Variants in TBXAS1 observed in about 807,000 individuals in gnomAD.
The protein encoded by TBXAS1 is thromboxane-A synthase.
TBXAS1 carries 48 observed loss-of-function variants against 60.7 expected under a neutral mutation model. That is an observed-to-expected ratio of 0.79 (90% confidence interval 0.63 to 1.01). TBXAS1 has a LOEUF of 1.01. Among genes scored for constraint, TBXAS1 ranks in the 50% least tolerant of loss-of-function variants. TBXAS1 has a pLI of 0.00. For synonymous variants in TBXAS1, 287 were observed against 269.7 expected (o/e 1.06, Z -0.63); for missense variants, 685 against 686.3 (o/e 1.00, Z 0.02).
At chr7:139,960,428 G>T (rs1001446522) in intron 8 of TBXAS1, among the ~76,000 whole-genome samples, 4 of 152,148 alleles carry the variant, frequency 2.6e-5, no homozygotes, top group Non-Finnish European at 5.9e-5. Flanking sequence ...TCCTGCCCTG[G>T]AGTTGCTTAT....
intron 9 of TBXAS1, among the ~76,000 whole-genome samples, chr7:139,964,199 C>T (rs1440172893): frequency 6.6e-6 from 1 of 152,200 alleles, no homozygotes; most frequent in South Asian, 2.1e-4. Flanking sequence ...AATTCTCCTG[C>T]CTCAGCCTCC....
chr7:139,836,446 C>A (rs1211669293), intron 1 of TBXAS1, among the ~76,000 whole-genome samples: 1 of 152,178 alleles, frequency 6.6e-6, no homozygotes, highest in Non-Finnish European at 1.5e-5. Flanking sequence ...ACCCAAACAG[C>A]ATGGTACTGG....
Position 139,821,028 on chromosome 7 carries a change from G to A in TBXAS1, c.-79-8284G>A, listed in dbSNP as rs565321651. ...ATGCCAAGGCATTTGTTGAATCAAC[G>A]AAATGAAGTAGAATGAATGGATAAA... On this transcript the variant is annotated intron_variant, in intron 4 of 16. Coordinates refer to the TBXAS1 transcript ENST00000336425. Among the ~76,000 whole-genome samples the A allele has an allele frequency of 2.6e-5, 4 of 152,270 alleles. No individual in the cohort carries two copies. The East Asian group carries it at 5.8e-4, about 22-fold the overall frequency.
intron 4 of TBXAS1, among the ~76,000 whole-genome samples, chr7:139,808,561 G>A (rs974456706): frequency 1.3e-5 from 2 of 151,730 alleles, no homozygotes; most frequent in Non-Finnish European, 1.5e-5. Context: ...AACACTTAGC[G>A]AGCAGCCCTC....
At chr7:139,843,830 A>ATG (rs148420424) in intron 1 of TBXAS1, among the ~76,000 whole-genome samples, 349 of 150,900 alleles carry the variant, frequency 2.3e-3, no homozygotes, top group African/African-American at 7.2e-3. Flanking sequence ...TACTGTGACA[A>ATG]TGTGTGTGTG....
chr7:139,857,489 C>T (rs565221329), intron 1 of TBXAS1, among the ~76,000 whole-genome samples: 5 of 152,110 alleles, frequency 3.3e-5, no homozygotes, highest in African/African-American at 4.8e-5. Flanking sequence ...CTTAAACAAA[C>T]AAAAGCCACC....
At chr7:139,803,936 C>T (rs981399140) in intron 4 of TBXAS1, among the ~76,000 whole-genome samples, 2 of 152,226 alleles carry the variant, frequency 1.3e-5, no homozygotes, top group African/African-American at 4.8e-5. Flanking sequence ...AGAACCTCTG[C>T]TAGGGCAGTG....
chr7:139,874,812 T>C (rs1321651322), intron 2 of TBXAS1, among the ~76,000 whole-genome samples: 1 of 152,114 alleles, frequency 6.6e-6, no homozygotes, highest in African/African-American at 2.4e-5. Context: ...AAAATGTGTC[T>C]AGCCAGGCAC....
chr7:139,957,744 G>C lies in TBXAS1; in HGVS notation c.799G>C (p.Asp267His), dbSNP rs1382286873. 6.2e-7 allele frequency: 1 copy of C among 1,614,110 alleles called. No homozygotes were observed. The highest frequency in any genetic ancestry group is 1.1e-5 in the South Asian group (1 of 91,076). Residue 267 changes from aspartate (D) to histidine (H), a missense_variant, in exon 8 of 13, where the codon GAC (aspartate) becomes CAC (histidine). By Grantham distance (81) the Asp-to-His change is moderately conservative (BLOSUM62 -1). Transcript: ENST00000448866. The part of the protein sequence containing the change: ...KLIRNVIALR[D>H]QQAAEERRRD... The stretch of plus-strand genomic sequence containing the variant: ...CATTAGGAATGTGATTGCCTTGCGG[G>C]ACCAGCAAGCTGCCGAAGAGGTAAC...
intron 4 of TBXAS1, among the ~76,000 whole-genome samples, chr7:139,819,685 T>C (rs781666520): frequency 2.2e-4 from 33 of 152,176 alleles, no homozygotes; most frequent in Middle Eastern, 3.4e-3. Flanking sequence ...GTATTTTTAG[T>C]AGAGATGGGT....
chr7:139,929,428 C>T (rs529481022), intron 4 of TBXAS1, among the ~76,000 whole-genome samples: 16 of 151,784 alleles, frequency 1.1e-4, no homozygotes, highest in East Asian at 5.8e-4. Context: ...TGGGTGGTTT[C>T]GTGGGAAAAA....
chr7:139,836,987 A>G (rs1467541119), intron 1 of TBXAS1, among the ~76,000 whole-genome samples: 1 of 152,222 alleles, frequency 6.6e-6, no homozygotes, highest in African/African-American at 2.4e-5. Context: ...TCCCATCAAA[A>G]AGTGGGCTAA....
intron 1 of TBXAS1, among the ~76,000 whole-genome samples, chr7:139,842,494 A>G (rs901345720): frequency 2.0e-5 from 3 of 152,236 alleles, no homozygotes; most frequent in African/African-American, 7.2e-5. Flanking sequence ...TGGTAGCCTT[A>G]TATGGACTTG....
chr7:139,815,105 T>G (rs1037498785), intron 4 of TBXAS1, among the ~76,000 whole-genome samples: 3 of 152,246 alleles, frequency 2.0e-5, no homozygotes, highest in African/African-American at 7.2e-5. Context: ...ATCTCAATTT[T>G]GCTACCCAAG....
At chr7:139,911,954 G>A (rs948314025) in intron 4 of TBXAS1, among the ~76,000 whole-genome samples, 2 of 152,256 alleles carry the variant, frequency 1.3e-5, no homozygotes, top group African/African-American at 4.8e-5. Flanking sequence ...GATCAGGCCA[G>A]GCACAGTGGC....
intron 1 of TBXAS1, among the ~76,000 whole-genome samples, chr7:139,869,292 C>T (rs1801652267): frequency 6.6e-6 from 1 of 152,248 alleles, no homozygotes; most frequent in East Asian, 1.9e-4. Flanking sequence ...CATAGTCACT[C>T]GGCACTTTCC....
chr7:139,984,768 GAAAGAAAGAAAGA>G (rs779819643), intron 9 of TBXAS1, among the ~76,000 whole-genome samples: 1,103 of 55,324 alleles, frequency 0.02, 7 homozygotes, highest in Middle Eastern at 0.056. Flanking sequence ...AAGAAAGCAG[GAAAGAAAGAAAGA>G]AAAGAAAGAA....
intron 3 of TBXAS1, chr7:139,787,212 T>C (rs1037603201): frequency 1.3e-5 from 2 of 152,238 alleles, no homozygotes; most frequent in East Asian, 3.8e-4. Context: ...ATGAGATGAA[T>C]TTGAATTTTT....
chr7:139,868,386 A>G (rs1330039704), intron 1 of TBXAS1, among the ~76,000 whole-genome samples: 2 of 152,210 alleles, frequency 1.3e-5, no homozygotes, highest in Non-Finnish European at 1.5e-5. Context: ...ACTCACTCAT[A>G]AGTATCCCTA....
Sources: gnomAD v4.1 joint callset for allele counts (sites outside exome capture counted in the v4.1 genomes callset) on GRCh38, gnomAD v4.1.1 for gene constraint, MANE v1.5 for transcripts, NCBI Gene and HGNC (gene_info 2026-07-23, HGNC 2026-07-21) for gene names.